NF1: variants seen among roughly 807,000 people sequenced by gnomAD.
NF1 encodes neurofibromin 1.
A neutral mutation model predicts 325.7 loss-of-function variants in NF1; 122 were observed. That is an observed-to-expected ratio of 0.37 (90% CI 0.32 to 0.44). The LOEUF is 0.44. Ranked by LOEUF, NF1 falls within the 20% of genes least tolerant of loss-of-function variation. NF1 has a pLI of 1.00. For missense variants in NF1, 2,140 were observed against 3,415.4 expected (o/e 0.63, Z 9.31); for synonymous variants, 1,091 against 1,186.0 (o/e 0.92, Z 1.65).
chr17:31,367,342 A>G, intron 57 of NF1: 1 of 1,093,310 alleles, frequency 9.1e-7, no homozygotes, highest in Non-Finnish European at 1.3e-6. Context: ...TCCTGGGCAC[A>G]TAGCATGAGA....
intron 1 of NF1, among the ~76,000 whole-genome samples, chr17:31,096,957 G>A (rs1911781539): frequency 1.3e-5 from 2 of 152,138 alleles, no homozygotes; most frequent in Non-Finnish European, 2.9e-5. Context: ...TTTAAGAAAG[G>A]ATTTAAAAGG....
At chr17:31,212,252 TC>T (rs1420997732) in intron 12 of NF1, among the ~76,000 whole-genome samples, 4 of 152,212 alleles carry the variant, frequency 2.6e-5, no homozygotes, top group Admixed American at 2.6e-4. Flanking sequence ...GTCTTCCACC[TC>T]CACATCTGCT....
rs1422595428 is a variant in NF1, at chr17:31,233,106, T to C, written c.3601T>C (p.Leu1201=). The change falls in exon 27 of 58, where the codon TTG becomes CTG. Residue 1201 remains leucine, a synonymous_variant. Coordinates refer to ENST00000358273, the MANE Select transcript of NF1 (RefSeq NM_001042492.3). ...TEFDTLAETV[L]ADRFERLVEL... ...ATTTGACACACTTGCAGAAACAGTA[T>C]TGGCTGATCGGTTTGAGAGATTGGT... 1.2e-6 allele frequency: 2 copies of C among 1,614,002 alleles called. No individual in the cohort carries two copies. The highest frequency in any genetic ancestry group is 2.2e-5 in the East Asian group (1 of 44,888).
intron 1 of NF1, among the ~76,000 whole-genome samples, chr17:31,131,404 G>A (rs552663127): frequency 8.2e-4 from 125 of 152,302 alleles, no homozygotes; most frequent in African/African-American, 2.7e-3. Context: ...GTCACTGGGG[G>A]CCAGGAAAAA....
chr17:31,121,123 G>T (rs1914391505), intron 1 of NF1, among the ~76,000 whole-genome samples: 1 of 152,004 alleles, frequency 6.6e-6, no homozygotes, highest in African/African-American at 2.4e-5. Flanking sequence ...CCTTAAGTCA[G>T]GCTGCACCTA....
Position 31,232,990 on chromosome 17 carries a change from T to A in NF1, c.3497-12T>A, listed in dbSNP as rs753605564. On this transcript the variant is annotated splice_polypyrimidine_tract_variant and intron_variant, in intron 26 of 57. Coordinates refer to ENST00000358273, the MANE Select transcript of NF1 (RefSeq NM_001042492.3). ...CCATGTTAGTAAATTTGCATCTGTT[T>A]GTCCACATTAGGCTTAGGTTACCAC... 6.2e-7 allele frequency: 1 copy of A among 1,614,200 alleles called. No homozygotes were observed. Among genetic ancestry groups the A allele is most frequent in the Non-Finnish European group, 8.5e-7 (1 of 1,180,016 alleles).
chr17:31,117,230 C>G lies in NF1; in HGVS notation c.60+21861C>G, dbSNP rs995075253. Among the ~76,000 whole-genome samples, 8 of 152,192 alleles carry G rather than the reference C, an allele frequency of 5.3e-5. No homozygotes were observed. In the East Asian group the frequency reaches 1.6e-3, roughly 30 times the overall value. ...TCCTGACCTCAGTTGATCCTCCTGC[C>G]TCAGCCTCCCAGAGTGCTGGGATTA... On this transcript the variant is annotated intron_variant, in intron 1 of 57. Transcript: ENST00000358273.
At chr17:31,261,060 T>C (rs1321277346) in intron 34 of NF1, among the ~76,000 whole-genome samples, 12 of 151,890 alleles carry the variant, frequency 7.9e-5, no homozygotes. Flanking sequence ...CTGGCCAACA[T>C]GGTGAAACCC....
chr17:31,204,559 G>A (rs548326333), intron 11 of NF1, among the ~76,000 whole-genome samples: 4 of 152,042 alleles, frequency 2.6e-5, no homozygotes, highest in East Asian at 1.9e-4. Context: ...ATTTGAAAAT[G>A]TGTATTTTAC....
chr17:31,290,058 TATTC>T (rs2068316290), intron 36 of NF1, among the ~76,000 whole-genome samples: 1 of 152,202 alleles, frequency 6.6e-6, no homozygotes, highest in Non-Finnish European at 1.5e-5. Context: ...TTTGCCCATT[TATTC>T]ATTGAGAATT....
intron 36 of NF1, among the ~76,000 whole-genome samples, chr17:31,268,878 A>T (rs201357790): frequency 7.5e-4 from 113 of 150,804 alleles, no homozygotes; most frequent in Middle Eastern, 3.4e-3. Context: ...TATTATTATT[A>T]TTTTTTTTGT....
intron 1 of NF1, among the ~76,000 whole-genome samples, chr17:31,111,541 A>G (rs1406833295): frequency 6.6e-6 from 1 of 152,194 alleles, no homozygotes; most frequent in East Asian, 1.9e-4. Context: ...CAAAGGAACG[A>G]TATAATACAA....
chr17:31,324,281 A>G (rs750944472), intron 36 of NF1, among the ~76,000 whole-genome samples: 2 of 151,906 alleles, frequency 1.3e-5, no homozygotes, highest in Non-Finnish European at 2.9e-5. Context: ...TGGCCAGGCT[A>G]GTCTTGACCT....
intron 30 of NF1, chr17:31,251,457 G>C (rs1017504533): frequency 1.5e-5 from 3 of 196,050 alleles, no homozygotes; most frequent in Non-Finnish European, 3.2e-5. Context: ...GGTTATTTAA[G>C]AATAGCCAAC....
At chr17:31,141,160 C>T (rs1916185848) in intron 1 of NF1, among the ~76,000 whole-genome samples, 1 of 152,056 alleles carries the variant, frequency 6.6e-6, no homozygotes, top group African/African-American at 2.4e-5. Context: ...ATTTTGCTGT[C>T]TATACACATC....
At chr17:31,295,451 A>T (rs1340033505) in intron 36 of NF1, 1 of 1,614,028 alleles carries the variant, frequency 6.2e-7, no homozygotes, top group Non-Finnish European at 8.5e-7. Flanking sequence ...TTGAGTTACC[A>T]CACTCAGAGA....
chr17:31,327,020 G>C (rs1597831292), intron 37 of NF1, among the ~76,000 whole-genome samples: 1 of 114,318 alleles, frequency 8.7e-6, no homozygotes, highest in African/African-American at 2.8e-5. Context: ...TGATCTCAGA[G>C]TGCAGTGGCA....
rs771669867 is a variant in NF1, at chr17:31,295,630, G to A, written c.4836-30190G>A. ...TCATCCACTTCAGTAAGTAAGTAATGTTTTGTTTGTGGTCACATGACCACC... is the reference window on the plus strand; with the variant it reads ...TCATCCACTTCAGTAAGTAAGTAATATTTTGTTTGTGGTCACATGACCACC... On this transcript the variant is annotated intron_variant, in intron 36 of 57. Transcript: ENST00000358273. 18 of 1,614,046 alleles carry A rather than the reference G, an allele frequency of 1.1e-5. 1 individual carries two copies. The Middle Eastern group carries it at 2.6e-3, about 237-fold the overall frequency.
At chr17:31,112,486 G>A (rs1913500519) in intron 1 of NF1, among the ~76,000 whole-genome samples, 2 of 152,200 alleles carry the variant, frequency 1.3e-5, no homozygotes, top group Non-Finnish European at 2.9e-5. Flanking sequence ...ATCCTAGTGG[G>A]TATGAAGTGG....
Sources: allele counts gnomAD v4.1 joint callset (sites outside exome capture counted in the v4.1 genomes callset), GRCh38; gene constraint gnomAD v4.1.1; transcripts MANE v1.5; gene names NCBI Gene and HGNC (gene_info 2026-07-23, HGNC 2026-07-21).